The following MACROD2 variants were observed in gnomAD, a reference collection of about 807,000 sequenced individuals.
MACROD2 encodes the protein ADP-ribose glycohydrolase MACROD2.
In MACROD2, 36 loss-of-function variants were observed where a neutral mutation model predicts 70.4. The observed-to-expected ratio is 0.51, with a 90% CI of 0.39 to 0.68. The LOEUF (loss-of-function observed/expected upper bound fraction) is 0.68, where lower values mean the gene tolerates loss of function less well. MACROD2 is among the 30% of genes least tolerant of loss of function. The pLI is 0.00. For synonymous variants in MACROD2, 172 were observed against 178.8 expected (o/e 0.96, Z 0.30); for missense variants, 496 against 538.4 (o/e 0.92, Z 0.78).
At chr20:14,183,511 A>T (rs1197693345) in intron 3 of MACROD2, among the ~76,000 whole-genome samples, 2 of 152,126 alleles carry the variant, frequency 1.3e-5, no homozygotes, top group African/African-American at 4.8e-5. Flanking sequence ...TGTCTTTATA[A>T]TAGAAAGATT....
chr20:14,246,426 C>G (rs6514496), intron 3 of MACROD2, among the ~76,000 whole-genome samples: 27,859 of 152,156 alleles, frequency 0.18, 3,699 homozygotes, highest in African/African-American at 0.37. Context: ...ATTCCTCCCT[C>G]TATTTAATAA....
chr20:14,382,738 C>T (rs1045630487), intron 3 of MACROD2, among the ~76,000 whole-genome samples: 2 of 151,918 alleles, frequency 1.3e-5, no homozygotes, highest in Non-Finnish European at 2.9e-5. Flanking sequence ...GGTGACCTAC[C>T]GATTTGCCAA....
At chr20:14,389,640 T>C (rs1019612637) in intron 3 of MACROD2, among the ~76,000 whole-genome samples, 3 of 152,210 alleles carry the variant, frequency 2.0e-5, no homozygotes, top group African/African-American at 4.8e-5. Context: ...ATGATAATGG[T>C]ACAGTGTACA....
chr20:15,610,991 CTT>C (rs34495725), intron 8 of MACROD2, among the ~76,000 whole-genome samples: 26 of 60,110 alleles, frequency 4.3e-4, no homozygotes, highest in African/African-American at 1.3e-3. Context: ...AGCCAAAAAT[CTT>C]TTTTTTTTTT....
chr20:14,059,030 T>C (rs890727137), intron 2 of MACROD2, among the ~76,000 whole-genome samples: 4 of 152,216 alleles, frequency 2.6e-5, no homozygotes, highest in Non-Finnish European at 5.9e-5. Flanking sequence ...CTGTTTTCTT[T>C]CTACGTGTGT....
At chr20:14,121,763 A>G (rs1223061720) in intron 3 of MACROD2, among the ~76,000 whole-genome samples, 1 of 152,140 alleles carries the variant, frequency 6.6e-6, no homozygotes, top group African/African-American at 2.4e-5. Flanking sequence ...CTGCTTTTCT[A>G]TTGATCTCCT....
At chr20:14,546,265 G>T (rs1464848002) in intron 4 of MACROD2, among the ~76,000 whole-genome samples, 1 of 152,154 alleles carries the variant, frequency 6.6e-6, no homozygotes, top group African/African-American at 2.4e-5. Flanking sequence ...ATAGCATTAA[G>T]TATTAAGGCT....
intron 3 of MACROD2, among the ~76,000 whole-genome samples, chr20:14,285,119 C>T (rs1348891664): frequency 2.0e-5 from 3 of 152,126 alleles, no homozygotes. Flanking sequence ...GAAAAAAATA[C>T]AGGTTTAGTA....
At chr20:15,987,327 A>G (rs1000405721) in intron 15 of MACROD2, among the ~76,000 whole-genome samples, 169 bp downstream of exon 15, 1 of 152,228 alleles carries the variant, frequency 6.6e-6, no homozygotes, top group African/African-American at 2.4e-5. Flanking sequence ...ATCTAGAAGT[A>G]GCAAAAGAAA....
chr20:15,223,349 CT>C (rs1246512276), intron 5 of MACROD2, among the ~76,000 whole-genome samples: 1 of 152,184 alleles, frequency 6.6e-6, no homozygotes, highest in East Asian at 1.9e-4. Context: ...GAGCTGGACA[CT>C]TTAGGGAAAT....
chr20:15,674,696 A>G (rs1238692588), intron 8 of MACROD2, among the ~76,000 whole-genome samples: 2 of 151,688 alleles, frequency 1.3e-5, no homozygotes, highest in Non-Finnish European at 2.9e-5. Context: ...TTTTACACAT[A>G]TTTGTCAAAC....
intron 6 of MACROD2, among the ~76,000 whole-genome samples, chr20:15,417,186 G>T (rs1316445335): frequency 6.6e-6 from 1 of 152,152 alleles, no homozygotes; most frequent in Non-Finnish European, 1.5e-5. Context: ...AGGGAAGAGA[G>T]ACTGTGCTGG....
intron 3 of MACROD2, among the ~76,000 whole-genome samples, chr20:14,410,673 C>T (rs1279304349): frequency 6.6e-6 from 1 of 152,114 alleles, no homozygotes; most frequent in African/African-American, 2.4e-5. Flanking sequence ...TGTTGCCTCC[C>T]ATTTGGGATA....
chr20:15,725,502 C>T (rs1345168159), intron 8 of MACROD2, among the ~76,000 whole-genome samples: 6 of 141,780 alleles, frequency 4.2e-5, no homozygotes, highest in African/African-American at 1.3e-4. Context: ...AGATTTTCTA[C>T]GTAGATAATC....
At chr20:14,601,644 T>C (rs1463416484) in intron 4 of MACROD2, among the ~76,000 whole-genome samples, 3 of 152,228 alleles carry the variant, frequency 2.0e-5, no homozygotes, top group Middle Eastern at 3.4e-3. Context: ...AATATAATTT[T>C]CTTATTTCTT....
At chr20:14,871,860 G>A (rs900117549) in intron 5 of MACROD2, among the ~76,000 whole-genome samples, 6 of 151,962 alleles carry the variant, frequency 3.9e-5, no homozygotes, top group Admixed American at 1.3e-4. Flanking sequence ...GAAAAAAGCT[G>A]GAGTTATAAT....
intron 5 of MACROD2, among the ~76,000 whole-genome samples, chr20:15,019,425 A>T (rs1314857634): frequency 6.6e-6 from 1 of 152,172 alleles, no homozygotes; most frequent in African/African-American, 2.4e-5. Flanking sequence ...CTAACTACAA[A>T]GCCTTTTTCC....
In MACROD2 at chr20:14,781,728, T is replaced by G. The variant is rs539060454; in HGVS notation, c.418+96769T>G. Among the ~76,000 whole-genome samples, 5 of 151,804 alleles carry G rather than the reference T, an allele frequency of 3.3e-5. No individual in the cohort carries two copies. In the South Asian group the frequency reaches 1.0e-3, roughly 32 times the overall value. ...AAAATTAGGCATAGAAGTGTACAAATGAGAACCCATATCAAGGAGCTTCTT... is the reference window on the plus strand; with the variant it reads ...AAAATTAGGCATAGAAGTGTACAAAGGAGAACCCATATCAAGGAGCTTCTT... On this transcript the variant is annotated intron_variant, in intron 5 of 17. Coordinates refer to ENST00000684519, the MANE Select transcript of MACROD2 (RefSeq NM_001351661.2).
At chr20:15,872,626 C>T (rs1601030011) in intron 9 of MACROD2, among the ~76,000 whole-genome samples, 1 of 152,096 alleles carries the variant, frequency 6.6e-6, no homozygotes. Flanking sequence ...GTACACCAAG[C>T]ATCATAAATG....
Sources: allele counts gnomAD v4.1 joint callset (sites outside exome capture counted in the v4.1 genomes callset), GRCh38; gene constraint gnomAD v4.1.1; transcripts MANE v1.5; gene names NCBI Gene and HGNC (gene_info 2026-07-23, HGNC 2026-07-21).